FRMPD4: variants seen among roughly 807,000 people sequenced by gnomAD.
FRMPD4 encodes the protein FERM and PDZ domain-containing protein 4.
In FRMPD4, 22 loss-of-function variants were observed where a neutral mutation model predicts 94.1. That is an observed-to-expected ratio of 0.23 (90% CI 0.17 to 0.33). The LOEUF is 0.33. Among genes scored for constraint, FRMPD4 ranks in the 10% least tolerant of loss-of-function variants. The pLI, the probability that FRMPD4 is intolerant of heterozygous loss-of-function variation, is 1.00. For synonymous variants in FRMPD4, 631 were observed against 548.6 expected, an observed-to-expected ratio of 1.15 and a Z score of -2.10; for missense variants, 1,111 against 1,339.9, an observed-to-expected ratio of 0.83 and a Z score of 2.67.
intron 2 of FRMPD4, among the ~76,000 whole-genome samples, chrX:12,603,076 GT>G (rs2059099200): frequency 9.0e-6 from 1 of 111,729 alleles, no homozygotes; most frequent in Non-Finnish European, 1.9e-5. Flanking sequence ...TTGATGCTTG[GT>G]CCTCTCTTGT....
chrX:12,344,765 C>T (rs771725338), intron 1 of FRMPD4, among the ~76,000 whole-genome samples: 3 of 111,766 alleles, frequency 2.7e-5, no homozygotes, highest in South Asian at 3.8e-4. Flanking sequence ...CCTGGCTTTT[C>T]GTTGTTGTTT....
chrX:12,223,382 T>C (rs765086723), intron 1 of FRMPD4, among the ~76,000 whole-genome samples: 1 of 112,173 alleles, frequency 8.9e-6, no homozygotes, highest in African/African-American at 3.2e-5. Flanking sequence ...TTCTTGCTTA[T>C]GAGCAGGAGC....
At chrX:12,355,092 C>T (rs998606734) in intron 1 of FRMPD4, among the ~76,000 whole-genome samples, 4 of 111,775 alleles carry the variant, frequency 3.6e-5, no homozygotes, top group African/African-American at 9.8e-5. Flanking sequence ...GTTTTTCCTT[C>T]CTGGTATTTC....
intron 1 of FRMPD4, among the ~76,000 whole-genome samples, chrX:12,418,423 A>G (rs1336247453): frequency 9.8e-6 from 1 of 102,438 alleles, no homozygotes; most frequent in African/African-American, 3.7e-5. Flanking sequence ...CAGTGGTGCA[A>G]TCTTGGCTCA....
chrX:12,235,389 A>G (rs747919369), intron 1 of FRMPD4, among the ~76,000 whole-genome samples: 1 of 112,408 alleles, frequency 8.9e-6, no homozygotes, highest in South Asian at 3.7e-4. Flanking sequence ...TTCTTGTGAG[A>G]AGACAGGTCT....
At chrX:12,399,974 T>C (rs1421011972) in intron 1 of FRMPD4, among the ~76,000 whole-genome samples, 2 of 112,167 alleles carry the variant, frequency 1.8e-5, no homozygotes, top group Non-Finnish European at 3.8e-5. Flanking sequence ...TCCTTAGATA[T>C]AGCAATCTTG....
chrX:11,924,619 AAAG>A (rs2147347258), intron 3 of FRMPD4, among the ~76,000 whole-genome samples: 1 of 112,416 alleles, frequency 8.9e-6, no homozygotes, highest in East Asian at 2.8e-4. Context: ...TTCTCAAAGA[AAAG>A]AAATTCCTAC....
At chrX:12,486,811 T>C (rs1485425546) in intron 1 of FRMPD4, among the ~76,000 whole-genome samples, 1 of 111,922 alleles carries the variant, frequency 8.9e-6, no homozygotes, top group Non-Finnish European at 1.9e-5. Flanking sequence ...GAGCCTATTA[T>C]GTGGGTTAGG....
intron 1 of FRMPD4, among the ~76,000 whole-genome samples, chrX:12,449,067 A>G (rs1431471649): frequency 1.8e-5 from 2 of 112,116 alleles, no homozygotes; most frequent in African/African-American, 3.2e-5. Flanking sequence ...GCAGAAATCC[A>G]TGAGTGTCCC....
At chrX:12,429,027 T>C (rs909661190) in intron 1 of FRMPD4, among the ~76,000 whole-genome samples, 1 of 112,101 alleles carries the variant, frequency 8.9e-6, no homozygotes, top group African/African-American at 3.2e-5. Context: ...ATATTACTAC[T>C]AGCAGCTCTT....
At chrX:12,550,197 G>A (rs1390330805) in intron 2 of FRMPD4, among the ~76,000 whole-genome samples, 1 of 111,348 alleles carries the variant, frequency 9.0e-6, no homozygotes, top group Admixed American at 9.6e-5. Context: ...AGAGAAGCAA[G>A]TAATTAGGTG....
chrX:12,493,737 C>T (rs190988583), intron 1 of FRMPD4, among the ~76,000 whole-genome samples: 17 of 111,737 alleles, frequency 1.5e-4, no homozygotes, highest in Non-Finnish European at 2.4e-4. Context: ...ATAATGCAGG[C>T]GCCTGTTGCG....
At chrX:12,412,396 T>C (rs1490454169) in intron 1 of FRMPD4, among the ~76,000 whole-genome samples, 1 of 112,018 alleles carries the variant, frequency 8.9e-6, no homozygotes, top group Non-Finnish European at 1.9e-5. Context: ...GTATCTGAGG[T>C]TCCCCCTTGG....
rs140460989 is a variant in FRMPD4, at chrX:12,542,523, A to T, written c.158+43727A>T. ...AATAAAATACCTAGGAAGGAATTCAACTTACAAGGGATGTGAAGAACCTCT... is the reference window on the plus strand; with the variant it reads ...AATAAAATACCTAGGAAGGAATTCATCTTACAAGGGATGTGAAGAACCTCT... On this transcript the variant is annotated intron_variant, in intron 2 of 16. Transcript: ENST00000675598. Among the ~76,000 whole-genome samples the T allele has an allele frequency of 4.2e-4, 47 of 112,179 alleles. No homozygotes were observed. In the East Asian group the frequency reaches 0.013, roughly 30 times the overall value.
intron 3 of FRMPD4, among the ~76,000 whole-genome samples, chrX:11,919,386 A>C (rs1482051993): frequency 8.9e-6 from 1 of 112,303 alleles, no homozygotes; most frequent in Non-Finnish European, 1.9e-5. Flanking sequence ...ATCATTGGTA[A>C]GCCCATTAGA....
At chrX:12,490,338 T>C (rs1230997365) in intron 1 of FRMPD4, among the ~76,000 whole-genome samples, 4 of 110,798 alleles carry the variant, frequency 3.6e-5, no homozygotes, top group African/African-American at 1.3e-4. Context: ...GGGGATCAAA[T>C]TTCCAACATG....
intron 3 of FRMPD4, among the ~76,000 whole-genome samples, chrX:11,918,084 TTGCTCTTTA>T (rs2147342422): frequency 8.9e-6 from 1 of 111,945 alleles, no homozygotes; most frequent in Admixed American, 9.5e-5. Flanking sequence ...CCTCCTATCC[TTGCTCTTTA>T]TGTGCCCTTT....
At chrX:12,119,305 C>A (rs1464857760) in intron 3 of FRMPD4, among the ~76,000 whole-genome samples, 1 of 111,820 alleles carries the variant, frequency 8.9e-6, no homozygotes, top group Non-Finnish European at 1.9e-5. Flanking sequence ...CACCCTAGGG[C>A]TGTTTCTTTG....
At chrX:12,262,621 G>C (rs2054208855) in intron 1 of FRMPD4, among the ~76,000 whole-genome samples, 1 of 111,991 alleles carries the variant, frequency 8.9e-6, no homozygotes, top group East Asian at 2.8e-4. Context: ...ACCATAATAA[G>C]CACTCATGTT....
Sources: gnomAD v4.1 joint callset for allele counts (sites outside exome capture counted in the v4.1 genomes callset) on GRCh38, gnomAD v4.1.1 for gene constraint, MANE v1.5 for transcripts, NCBI Gene and HGNC (gene_info 2026-07-23, HGNC 2026-07-21) for gene names.